The following DIP2C variants were observed in gnomAD, a reference collection of about 807,000 sequenced individuals.
DIP2C encodes the protein disco-interacting protein 2 homolog C.
A neutral mutation model predicts 192.4 loss-of-function variants in DIP2C; 33 were observed. The ratio of observed to expected loss-of-function variants is 0.17; its 90% CI spans 0.13 to 0.23. The LOEUF (loss-of-function observed/expected upper bound fraction) is 0.23. Among genes scored for constraint, DIP2C ranks in the 10% least tolerant of loss-of-function variants. DIP2C has a pLI of 1.00. For missense variants in DIP2C, 1,537 were observed against 2,110.1 expected, an observed-to-expected ratio of 0.73 and a Z score of 5.32; for synonymous variants, 979 against 864.1, an observed-to-expected ratio of 1.13 and a Z score of -2.33.
At chr10:569,229 C>T (rs1314818184) in intron 1 of DIP2C, among the ~76,000 whole-genome samples, 1 of 152,224 alleles carries the variant, frequency 6.6e-6, no homozygotes, top group African/African-American at 2.4e-5. Flanking sequence ...CTGCCCTTTA[C>T]AGAAGCTTCT....
At position 579,461 on chromosome 10, in the gene DIP2C, G is replaced by A. The variant is rs149952931; in HGVS notation, c.86-92931C>T. 1.5e-3 allele frequency among the ~76,000 whole-genome samples: 219 copies of A among 150,390 alleles called. 1 individual carries two copies. Among genetic ancestry groups the A allele is most frequent in the Admixed American group, 2.2e-3 (33 of 15,144 alleles). On this transcript the variant is annotated intron_variant, in intron 1 of 36. Coordinates refer to ENST00000280886, the MANE Select transcript of DIP2C (RefSeq NM_014974.3). ...TAACACATGTGTACATGCATAGAGC[G>A]TACACACATACAGATCCAGTGTACA...
rs567417858 is a variant in DIP2C, at chr10:537,823, G to A, written c.86-51293C>T. ...TTTTTTTCCCCCGAGACCGAGTCTC[G>A]CTCTGTAGTGCAGGCTGGAGTGCAG... On this transcript the variant is annotated intron_variant, in intron 1 of 36. Transcript: ENST00000280886. Among the ~76,000 whole-genome samples the A allele has an allele frequency of 9.3e-5, 14 of 150,846 alleles. No homozygotes were observed. The South Asian group carries it at 1.1e-3, about 11-fold the overall frequency.
At chr10:479,144 C>T (rs770563555) in intron 2 of DIP2C, among the ~76,000 whole-genome samples, 4 of 152,244 alleles carry the variant, frequency 2.6e-5, no homozygotes, top group African/African-American at 2.4e-5. Context: ...TTGTTCACAT[C>T]GTAAAACTTT....
At chr10:397,605 G>C (rs919676645) in intron 10 of DIP2C, among the ~76,000 whole-genome samples, 2 of 151,518 alleles carry the variant, frequency 1.3e-5, no homozygotes, top group South Asian at 4.2e-4. Context: ...GTTCAGACCT[G>C]GGCAGTCCCT....
chr10:551,946 G>A (rs559909494), intron 1 of DIP2C, among the ~76,000 whole-genome samples: 217 of 152,336 alleles, frequency 1.4e-3, no homozygotes, highest in Non-Finnish European at 1.6e-3. Flanking sequence ...AGCATCCTCT[G>A]AGACGCTGCT....
chr10:650,383 G>T, intron 1 of DIP2C: 1 of 716,618 alleles, frequency 1.4e-6, no homozygotes, highest in Non-Finnish European at 2.6e-6. Context: ...CCAGCCCACG[G>T]CAGCCACACG....
intron 33 of DIP2C, among the ~76,000 whole-genome samples, chr10:287,952 G>A (rs1231216423): frequency 6.6e-6 from 1 of 152,180 alleles, no homozygotes; most frequent in Non-Finnish European, 1.5e-5. Context: ...GAATTTCAGT[G>A]TAGGACAGCT....
chr10:439,518 G>A (rs544642030), intron 4 of DIP2C, among the ~76,000 whole-genome samples: 3 of 152,214 alleles, frequency 2.0e-5, no homozygotes, highest in Non-Finnish European at 4.4e-5. Context: ...TTGAGAGGCT[G>A]AAGTGGGAGG....
rs149082692 is a variant in DIP2C, at chr10:547,061, T to TA, written c.86-60532_86-60531insT. 6.1e-3 allele frequency among the ~76,000 whole-genome samples: 924 copies of TA among 152,326 alleles called. 7 individuals are homozygous for TA. The highest frequency in any genetic ancestry group is 0.02 in the African/African-American group (841 of 41,570). On this transcript the variant is annotated intron_variant, in intron 1 of 36. Coordinates refer to ENST00000280886, the MANE Select transcript of DIP2C (RefSeq NM_014974.3). ...GTTCTGCAGGTTCATGGGAGAGCAC[T>TA]TGGTGCCTCTGAGCTAAGATAACCA...
intron 32 of DIP2C, 91 bp downstream of exon 32, chr10:309,940 G>T: frequency 8.1e-7 from 1 of 1,237,540 alleles, no homozygotes; most frequent in Non-Finnish European, 1.2e-6. Context: ...AACATCGTGT[G>T]CACCTCTTCT....
chr10:641,034 A>C (rs532841133), intron 1 of DIP2C, among the ~76,000 whole-genome samples: 32 of 152,218 alleles, frequency 2.1e-4, no homozygotes, highest in Admixed American at 8.5e-4. Flanking sequence ...CCATGGCTTC[A>C]TTACATGGCA....
At chr10:571,661 CAG>C (rs1849823970) in intron 1 of DIP2C, among the ~76,000 whole-genome samples, 1 of 152,186 alleles carries the variant, frequency 6.6e-6, no homozygotes, top group Admixed American at 6.5e-5. Context: ...TCTTAATGAA[CAG>C]AAACGTGTTT....
At chr10:575,528 A>T (rs1409221745) in intron 1 of DIP2C, among the ~76,000 whole-genome samples, 2 of 152,234 alleles carry the variant, frequency 1.3e-5, no homozygotes, top group African/African-American at 2.4e-5. Flanking sequence ...GAGAGTGTCA[A>T]GATGTTGAAG....
chr10:363,410 C>A lies in DIP2C; in HGVS notation c.2478-99G>T, dbSNP rs577567543. On this transcript the variant is annotated intron_variant, in intron 20 of 36. Coordinates refer to ENST00000280886, the MANE Select transcript of DIP2C (RefSeq NM_014974.3). This position sits in a 1 kb window ranked among gnomAD's most constrained non-coding sequence, Gnocchi z 5.4. ...CCATAACCATCACTAGTGAGTGACA[C>A]AGCTCCAACTACGACTTCAAAACGG... 19 of 971,258 alleles carry A rather than the reference C, an allele frequency of 2.0e-5. No homozygotes were observed. In the South Asian group the frequency reaches 2.3e-4, roughly 12 times the overall value. The allele number at this position is 971,258 out of a possible 1,614,324, so 60.2% of individuals were successfully genotyped here.
chr10:545,348 G>A (rs1269209046), intron 1 of DIP2C, among the ~76,000 whole-genome samples: 1 of 151,900 alleles, frequency 6.6e-6, no homozygotes, highest in Admixed American at 6.5e-5. Context: ...TGTAGTTTTA[G>A]TAGAGATGAG....
chr10:530,861 T>C (rs1164908998), intron 1 of DIP2C, among the ~76,000 whole-genome samples: 2 of 152,054 alleles, frequency 1.3e-5, no homozygotes, highest in African/African-American at 4.8e-5. Flanking sequence ...CTGTACAGTT[T>C]GTTAACCAGC....
intron 8 of DIP2C, among the ~76,000 whole-genome samples, chr10:412,577 G>C (rs557120534): frequency 1.3e-5 from 2 of 152,236 alleles, no homozygotes; most frequent in South Asian, 4.2e-4. Flanking sequence ...AAAAGCAAAG[G>C]GGCTACGAAA....
chr10:312,271 A>G (rs891489546), intron 31 of DIP2C, among the ~76,000 whole-genome samples: 10 of 151,972 alleles, frequency 6.6e-5, no homozygotes, highest in Non-Finnish European at 1.3e-4. Context: ...TAAATAATCT[A>G]CCCCAGCTGC....
rs147326517 is a variant in DIP2C at position 344,947 on chromosome 10, C to A, written c.3344-29G>T. 20 of 1,603,864 alleles carry A rather than the reference C, an allele frequency of 1.2e-5. No individual in the cohort carries two copies. The East Asian group carries it at 4.5e-4, about 36-fold the overall frequency. On this transcript the variant is annotated intron_variant, in intron 27 of 36. Coordinates refer to ENST00000280886, the MANE Select transcript of DIP2C (RefSeq NM_014974.3). ...GAGAGGAACATGACTATCAGCAGAT[C>A]CAGCCTGAGCAAGGCCGTGAGCAAA...
Sources: gnomAD v4.1 joint callset for allele counts (sites outside exome capture counted in the v4.1 genomes callset) on GRCh38, gnomAD v4.1.1 for gene constraint, Gnocchi (gnomAD v3.1) non-coding constraint, MANE v1.5 for transcripts, NCBI Gene and HGNC (gene_info 2026-07-23, HGNC 2026-07-21) for gene names.